The following TMEM135 variants were observed in gnomAD, a reference collection of about 807,000 sequenced individuals.
TMEM135 encodes the protein peroxisomal membrane protein 52.
TMEM135 carries 30 observed loss-of-function variants against 60.3 expected under a neutral mutation model. That is an observed-to-expected ratio of 0.50 (90% CI 0.37 to 0.68). TMEM135 has a LOEUF of 0.68. Among genes scored for constraint, TMEM135 ranks in the 30% least tolerant of loss-of-function variants. The pLI, the probability that TMEM135 is intolerant of heterozygous loss-of-function variation, is 0.00. For missense variants in TMEM135, 468 were observed against 548.8 expected, an observed-to-expected ratio of 0.85 and a Z score of 1.47; for synonymous variants, 190 against 186.7, an observed-to-expected ratio of 1.02 and a Z score of -0.14.
intron 3 of TMEM135, among the ~76,000 whole-genome samples, chr11:87,081,003 G>A (rs1856980845): frequency 6.6e-6 from 1 of 151,988 alleles, no homozygotes; most frequent in African/African-American, 2.4e-5. Flanking sequence ...ATTTGATATT[G>A]ATATAGCTAC....
At chr11:87,071,929 G>A (rs1241557710) in intron 3 of TMEM135, among the ~76,000 whole-genome samples, 1 of 152,112 alleles carries the variant, frequency 6.6e-6, no homozygotes, top group East Asian at 1.9e-4. Context: ...GCTCATTCCT[G>A]TAATCCCAGC....
At chr11:87,121,022 A>G (rs1858043438) in intron 4 of TMEM135, 1 of 152,222 alleles carries the variant, frequency 6.6e-6, no homozygotes, top group Non-Finnish European at 1.5e-5. Flanking sequence ...CAATATGTAC[A>G]TTACTGTATG....
intron 1 of TMEM135, among the ~76,000 whole-genome samples, chr11:87,055,677 G>A (rs778166909): frequency 6.6e-6 from 1 of 151,328 alleles, no homozygotes; most frequent in Non-Finnish European, 1.5e-5. Context: ...GCCAACCTCC[G>A]CCTCCTAGGT....
At position 87,231,118 on chromosome 11, in the gene TMEM135, G is replaced by C. The variant is rs374046692; in HGVS notation, c.463-5520G>C. Among the ~76,000 whole-genome samples the C allele has an allele frequency of 7.2e-5, 11 of 152,234 alleles. No individual in the cohort carries two copies. The East Asian group carries it at 2.1e-3, about 29-fold the overall frequency. On this transcript the variant is annotated intron_variant, in intron 5 of 14. Coordinates refer to ENST00000305494, the MANE Select transcript of TMEM135 (RefSeq NM_022918.4). ...AGAGAATTTCCAGGCATGGATCAAA[G>C]AGGCGTCACTCAGACAAAACCTAGA... is the stretch of plus-strand genomic sequence containing the variant.
chr11:87,283,513 A>G (rs189021956), intron 6 of TMEM135, among the ~76,000 whole-genome samples: 9 of 152,336 alleles, frequency 5.9e-5, no homozygotes, highest in Admixed American at 2.0e-4. Flanking sequence ...TTCAATATGA[A>G]AACAGATTGC....
intron 1 of TMEM135, among the ~76,000 whole-genome samples, chr11:87,055,280 C>T (rs1438465650): frequency 1.3e-5 from 2 of 152,100 alleles, no homozygotes; most frequent in African/African-American, 4.8e-5. Flanking sequence ...AAATAAGAAG[C>T]AATTACTTTA....
At chr11:87,042,814 T>A (rs1272099686) in intron 1 of TMEM135, among the ~76,000 whole-genome samples, 2 of 151,606 alleles carry the variant, frequency 1.3e-5, no homozygotes, top group Non-Finnish European at 2.9e-5. Context: ...CTACAACTGT[T>A]TAGTCGGTAT....
chr11:87,129,213 ATTTTTTTTTTTTTTTT>A (rs71040295), intron 4 of TMEM135, among the ~76,000 whole-genome samples: 54 of 116,174 alleles, frequency 4.6e-4, no homozygotes, highest in African/African-American at 1.5e-3. Flanking sequence ...TTATTCCTTA[ATTTTTTTTTTTTTTTT>A]TTTTTTTTTT....
rs763922976 is a variant in TMEM135, at chr11:87,102,730, A to ATATATATATATG, written c.396+11344_396+11345insATGTATATATAT. 1.7e-4 allele frequency among the ~76,000 whole-genome samples: 19 copies of ATATATATATATG among 109,742 alleles called. No homozygotes were observed. The East Asian group carries it at 5.2e-3, about 30-fold the overall frequency. 72.0% of individuals were successfully genotyped at this position (109,742 alleles called of 152,430 possible). ...TATATATATGTATATATATATATGT[A>ATATATATATATG]TATATATATGTATATATGTATATAT... On this transcript the variant is annotated intron_variant, in intron 4 of 14. Transcript: ENST00000305494.
intron 4 of TMEM135, among the ~76,000 whole-genome samples, chr11:87,124,570 A>G (rs1199721393): frequency 2.6e-5 from 4 of 152,166 alleles, no homozygotes; most frequent in Admixed American, 2.6e-4. Flanking sequence ...GTCAAGTGAC[A>G]TTCATGAGGC....
chr11:87,224,456 T>G (rs941553424), intron 5 of TMEM135, among the ~76,000 whole-genome samples: 10 of 152,236 alleles, frequency 6.6e-5, no homozygotes, highest in African/African-American at 1.9e-4. Context: ...TATGTGGCCT[T>G]GCTGTGACCT....
chr11:87,124,741 T>C (rs146853719), intron 4 of TMEM135, among the ~76,000 whole-genome samples: 174 of 152,292 alleles, frequency 1.1e-3, no homozygotes, highest in African/African-American at 4.1e-3. Flanking sequence ...GTTAGTTCAT[T>C]ATTCTGTAGT....
chr11:87,191,204 C>G (rs1316763078), intron 5 of TMEM135, among the ~76,000 whole-genome samples: 1 of 151,824 alleles, frequency 6.6e-6, no homozygotes, highest in Non-Finnish European at 1.5e-5. Flanking sequence ...TGTCTATTAT[C>G]TCCTGATATC....
chr11:87,150,550 C>A (rs747381864), intron 4 of TMEM135, among the ~76,000 whole-genome samples: 4 of 152,188 alleles, frequency 2.6e-5, no homozygotes, highest in African/African-American at 4.8e-5. Context: ...ATATTCTGTT[C>A]AAACTGTGTA....
chr11:87,065,915 A>AT (rs1856641649), intron 1 of TMEM135, among the ~76,000 whole-genome samples: 1 of 152,342 alleles, frequency 6.6e-6, no homozygotes, highest in South Asian at 2.1e-4. Flanking sequence ...CTGGCATATT[A>AT]TAGCTTACTG....
intron 6 of TMEM135, among the ~76,000 whole-genome samples, chr11:87,263,947 G>A (rs1941700694): frequency 6.6e-6 from 1 of 151,940 alleles, no homozygotes; most frequent in Non-Finnish European, 1.5e-5. Flanking sequence ...GTGATGGCAA[G>A]CCTTTTAGAA....
chr11:87,227,160 G>A (rs922051108), intron 5 of TMEM135, among the ~76,000 whole-genome samples: 2 of 152,082 alleles, frequency 1.3e-5, no homozygotes, highest in Non-Finnish European at 2.9e-5. Flanking sequence ...TTCAGTGAAA[G>A]TAATTTTATT....
chr11:87,045,675 T>C (rs1949789685), intron 1 of TMEM135, among the ~76,000 whole-genome samples: 2 of 152,252 alleles, frequency 1.3e-5, no homozygotes, highest in Non-Finnish European at 2.9e-5. Context: ...TTGATTTTAT[T>C]GTGATAGAGA....
chr11:87,257,651 A>G (rs190588711), intron 6 of TMEM135, among the ~76,000 whole-genome samples: 6 of 152,336 alleles, frequency 3.9e-5, no homozygotes, highest in Admixed American at 2.6e-4. Flanking sequence ...ATATGATTCT[A>G]TTTATCAAAA....
Sources: allele counts gnomAD v4.1 joint callset (sites outside exome capture counted in the v4.1 genomes callset), GRCh38; gene constraint gnomAD v4.1.1; transcripts MANE v1.5; gene names NCBI Gene and HGNC (gene_info 2026-07-23, HGNC 2026-07-21).